The following NGEF variants were observed in gnomAD, a reference collection of about 807,000 sequenced individuals.
NGEF encodes the protein neuronal guanine nucleotide exchange factor.
In NGEF, 31 loss-of-function variants were observed where a neutral mutation model predicts 80.9. That is an observed-to-expected ratio of 0.38 (90% confidence interval 0.29 to 0.52). NGEF has a LOEUF of 0.52. Among genes scored for constraint, NGEF ranks in the 20% least tolerant of loss-of-function variants. NGEF has a pLI of 0.84. For missense variants in NGEF, 709 were observed against 926.2 expected (o/e 0.77, Z 3.04); for synonymous variants, 371 against 370.2 (o/e 1.00, Z -0.03).
chr2:232,957,401 C>T (rs1693852823), intron 3 of NGEF, among the ~76,000 whole-genome samples: 1 of 152,138 alleles, frequency 6.6e-6, no homozygotes, highest in African/African-American at 2.4e-5. Flanking sequence ...GGACTCACTG[C>T]AACCTCTGCC....
chr2:232,927,411 C>T (rs1384501126), intron 3 of NGEF, among the ~76,000 whole-genome samples: 4 of 152,124 alleles, frequency 2.6e-5, no homozygotes, highest in African/African-American at 4.8e-5. Flanking sequence ...ATTTCCACAC[C>T]AGCCCGCCCA....
chr2:232,960,930 G>A (rs1393355715), intron 3 of NGEF, among the ~76,000 whole-genome samples: 1 of 152,172 alleles, frequency 6.6e-6, no homozygotes, highest in East Asian at 1.9e-4. Context: ...GACAGTGAGT[G>A]TAAAGGTGCT....
chr2:232,989,345 G>A (rs891154216), intron 1 of NGEF, among the ~76,000 whole-genome samples: 1 of 152,152 alleles, frequency 6.6e-6, no homozygotes, highest in Admixed American at 6.6e-5. Flanking sequence ...CTACTCAGGA[G>A]GCTGAGGCAG....
intron 3 of NGEF, among the ~76,000 whole-genome samples, chr2:232,967,809 G>C (rs1411949995): frequency 6.6e-6 from 1 of 151,912 alleles, no homozygotes; most frequent in Non-Finnish European, 1.5e-5. Flanking sequence ...ATTCTGCTCT[G>C]TTGCCTGGTT....
chr2:232,939,737 C>T (rs2106295672), intron 3 of NGEF, among the ~76,000 whole-genome samples: 1 of 152,256 alleles, frequency 6.6e-6, no homozygotes, highest in Non-Finnish European at 1.5e-5. Flanking sequence ...GTGGCTCATG[C>T]CTGTAATCCC....
Position 232,892,868 on chromosome 2 carries a change from G to A in NGEF, c.1142+30C>T. On this transcript the variant is annotated intron_variant, in intron 7 of 14. Coordinates refer to ENST00000264051, the MANE Select transcript of NGEF (RefSeq NM_019850.3). The surrounding 1 kb of genome is among the most constrained non-coding windows in gnomAD (Gnocchi z 4.0). ...ATGGCTGCCCCGGGCACCTCCCCCT[G>A]CCCCTGAGCCCCTTGCCGGATACAC... 7 of 1,606,508 alleles carry A rather than the reference G, an allele frequency of 4.4e-6. No individual in the cohort carries two copies. Among genetic ancestry groups the A allele is most frequent in the Non-Finnish European group, 6.0e-6 (7 of 1,175,560 alleles).
chr2:232,937,849 T>C (rs771789317), intron 3 of NGEF, among the ~76,000 whole-genome samples: 3 of 152,220 alleles, frequency 2.0e-5, no homozygotes, highest in Non-Finnish European at 2.9e-5. Flanking sequence ...GCTTCTGCGA[T>C]TGGTGCCTAA....
intron 1 of NGEF, among the ~76,000 whole-genome samples, chr2:232,982,667 C>A (rs770528317): frequency 6.6e-6 from 1 of 152,210 alleles, no homozygotes; most frequent in African/African-American, 2.4e-5. Flanking sequence ...GTGCCCGCTA[C>A]CACATCTGGC....
intron 5 of NGEF, among the ~76,000 whole-genome samples, chr2:232,914,281 A>G (rs1200245361): frequency 6.6e-6 from 1 of 152,264 alleles, no homozygotes; most frequent in Non-Finnish European, 1.5e-5. Flanking sequence ...TCAACACAGT[A>G]GCAACATGTG....
intron 1 of NGEF, among the ~76,000 whole-genome samples, chr2:233,000,573 C>T (rs1337065134): frequency 1.3e-5 from 2 of 151,932 alleles, no homozygotes; most frequent in African/African-American, 4.8e-5. Flanking sequence ...CTGGCTAACA[C>T]GGTGAAACCC....
intron 1 of NGEF, among the ~76,000 whole-genome samples, chr2:232,986,694 A>G (rs1694539250): frequency 6.6e-6 from 1 of 152,246 alleles, no homozygotes; most frequent in Non-Finnish European, 1.5e-5. Flanking sequence ...AATGTTTGCC[A>G]AGGGCTGGGG....
At chr2:232,882,354 C>T (rs1309616392) in intron 12 of NGEF, 89 bp from the exon 13 acceptor site, 36 of 1,178,836 alleles carry the variant, frequency 3.1e-5, no homozygotes, top group Admixed American at 3.9e-5. Flanking sequence ...AGCTGCCCCT[C>T]GGATCTGCGT....
At chr2:232,937,671 G>C (rs1693355546) in intron 3 of NGEF, among the ~76,000 whole-genome samples, 1 of 152,208 alleles carries the variant, frequency 6.6e-6, no homozygotes, top group Non-Finnish European at 1.5e-5. Context: ...TGGCTCGTGA[G>C]TTAATATAGG....
At chr2:232,929,316 C>A (rs1693170072) in intron 3 of NGEF, among the ~76,000 whole-genome samples, 1 of 152,198 alleles carries the variant, frequency 6.6e-6, no homozygotes, top group Admixed American at 6.5e-5. Context: ...GGATCCTTAA[C>A]CAGTCTTGAA....
chr2:232,972,120 G>C (rs547967837), intron 2 of NGEF, among the ~76,000 whole-genome samples: 2 of 152,282 alleles, frequency 1.3e-5, no homozygotes, highest in South Asian at 4.1e-4. Context: ...AAACTTTTAA[G>C]GGTATTTGGA....
At chr2:232,972,411 T>C (rs1186418148) in intron 2 of NGEF, among the ~76,000 whole-genome samples, 1 of 152,224 alleles carries the variant, frequency 6.6e-6, no homozygotes, top group Non-Finnish European at 1.5e-5. Context: ...TATTTGTACT[T>C]TTTAAATGTG....
At chr2:232,940,997 C>T (rs116231255) in intron 3 of NGEF, among the ~76,000 whole-genome samples, 2,794 of 151,048 alleles carry the variant, frequency 0.018, 43 homozygotes, top group Non-Finnish European at 0.026. Flanking sequence ...GCTGGCTGTG[C>T]GGGAGACCAG....
chr2:232,912,822 C>T (rs559778187), intron 5 of NGEF, among the ~76,000 whole-genome samples: 228 of 152,164 alleles, frequency 1.5e-3, no homozygotes, highest in African/African-American at 5.3e-3. Flanking sequence ...TTCCTTATTA[C>T]CCTTTAAATG....
intron 5 of NGEF, among the ~76,000 whole-genome samples, chr2:232,919,543 A>G (rs1408623436): frequency 6.6e-6 from 1 of 152,066 alleles, no homozygotes; most frequent in East Asian, 1.9e-4. Flanking sequence ...ACTCCTGACC[A>G]TATGCTTGTT....
Sources: gnomAD v4.1 joint callset for allele counts (sites outside exome capture counted in the v4.1 genomes callset) on GRCh38, gnomAD v4.1.1 for gene constraint, Gnocchi (gnomAD v3.1) non-coding constraint, MANE v1.5 for transcripts, NCBI Gene and HGNC (gene_info 2026-07-23, HGNC 2026-07-21) for gene names.